The following ZMAT4 variants were observed in gnomAD, a reference collection of about 807,000 sequenced individuals.
ZMAT4 encodes zinc finger matrin-type protein 4.
Under a neutral mutation model 28.7 loss-of-function variants are expected in ZMAT4, and 17 were observed. The ratio of observed to expected loss-of-function variants is 0.59; its 90% confidence interval spans 0.41 to 0.89. The LOEUF (loss-of-function observed/expected upper bound fraction) is 0.89, where lower values mean the gene tolerates loss of function less well. Ranked by LOEUF, ZMAT4 falls within the 40% of genes least tolerant of loss-of-function variation. ZMAT4 has a pLI of 0.00. For missense variants in ZMAT4, 240 were observed against 283.8 expected, an observed-to-expected ratio of 0.85 and a Z score of 1.11; for synonymous variants, 117 against 109.2, an observed-to-expected ratio of 1.07 and a Z score of -0.44.
chr8:40,716,513 G>A (rs763292218), intron 3 of ZMAT4, among the ~76,000 whole-genome samples: 9 of 152,220 alleles, frequency 5.9e-5, no homozygotes, highest in East Asian at 1.9e-4. Context: ...CCAAGATGGC[G>A]AAACCCCATC....
intron 5 of ZMAT4, among the ~76,000 whole-genome samples, chr8:40,613,845 G>A (rs1437485322): frequency 6.6e-6 from 1 of 152,202 alleles, no homozygotes; most frequent in African/African-American, 2.4e-5. Context: ...AAAGGACTTG[G>A]ATGACTCAAG....
intron 5 of ZMAT4, among the ~76,000 whole-genome samples, chr8:40,653,356 A>G (rs2118827889): frequency 6.6e-6 from 1 of 152,204 alleles, no homozygotes; most frequent in Middle Eastern, 3.4e-3. Flanking sequence ...GAAATAGAGC[A>G]AAATACTCAA....
At chr8:40,711,006 G>T (rs75779349) in intron 3 of ZMAT4, among the ~76,000 whole-genome samples, 1 of 151,924 alleles carries the variant, frequency 6.6e-6, no homozygotes, top group South Asian at 2.1e-4. Context: ...GGATGGTCTC[G>T]ATCTCTTGAC....
chr8:40,808,072 A>T (rs1815164440), intron 2 of ZMAT4, among the ~76,000 whole-genome samples: 1 of 152,206 alleles, frequency 6.6e-6, no homozygotes. Context: ...ATGCATTATC[A>T]TATAGCTTAT....
Position 40,626,286 on chromosome 8 carries a change from G to A in ZMAT4, c.578-45025C>T, listed in dbSNP as rs1435988250. On this transcript the variant is annotated intron_variant, in intron 5 of 6. Transcript: ENST00000297737. The stretch of plus-strand genomic sequence containing the variant: ...AAGGTGCCCCGGAAGTGCAGCTAGT[G>A]AGGAGAAAACCAGCTAAGTGTGGCA... Among the ~76,000 whole-genome samples the A allele has an allele frequency of 2.6e-5, 4 of 151,326 alleles. No homozygotes were observed. The Admixed American group carries it at 2.6e-4, about 10-fold the overall frequency.
intron 5 of ZMAT4, among the ~76,000 whole-genome samples, chr8:40,617,212 A>G (rs1806040307): frequency 6.6e-6 from 1 of 152,218 alleles, no homozygotes; most frequent in Admixed American, 6.5e-5. Flanking sequence ...CTTCCCATGT[A>G]GCTTTTTCTT....
At chr8:40,632,242 A>T (rs1029510200) in intron 5 of ZMAT4, among the ~76,000 whole-genome samples, 1 of 152,234 alleles carries the variant, frequency 6.6e-6, no homozygotes, top group Admixed American at 6.5e-5. Flanking sequence ...GGCCAGGCAC[A>T]TAGAACTTTT....
intron 3 of ZMAT4, among the ~76,000 whole-genome samples, chr8:40,754,867 T>C (rs137979109): frequency 6.6e-5 from 10 of 152,214 alleles, no homozygotes; most frequent in African/African-American, 2.4e-4. Context: ...TTTTTAAAAA[T>C]TTAAAAATTA....
Position 40,612,817 on chromosome 8 carries a change from T to G in ZMAT4, c.578-31556A>C, listed in dbSNP as rs1204051747. Among the ~76,000 whole-genome samples, 15 of 93,052 alleles carry G rather than the reference T, an allele frequency of 1.6e-4. 2 individuals are homozygous for G. The highest frequency in any genetic ancestry group is 3.0e-4 in the African/African-American group (10 of 33,396). The allele number at this position is 93,052 out of a possible 152,430, so 61.0% of individuals were successfully genotyped here. A position where few individuals can be genotyped will look rare whatever the true frequency, so the allele number is the denominator to read the frequency against. On this transcript the variant is annotated intron_variant, in intron 5 of 6. Transcript: ENST00000297737. ...TCTCTGTATTTTGGTTTTTGTTTTT[T>G]TTTTTTTTTTTTGAGACGAAGTCTT...
At chr8:40,619,843 G>A (rs1806135458) in intron 5 of ZMAT4, among the ~76,000 whole-genome samples, 1 of 152,176 alleles carries the variant, frequency 6.6e-6, no homozygotes, top group Non-Finnish European at 1.5e-5. Context: ...GACCCGTGCA[G>A]ACCAGGCCCA....
At chr8:40,820,677 ATG>A (rs373565747) in intron 2 of ZMAT4, among the ~76,000 whole-genome samples, 4 of 7,208 alleles carry the variant, frequency 5.5e-4, no homozygotes, top group South Asian at 5.7e-3. Flanking sequence ...ATGTGTGTCT[ATG>A]TGTGTGTGTC....
intron 1 of ZMAT4, among the ~76,000 whole-genome samples, chr8:40,835,629 G>A (rs1816451102): frequency 6.6e-6 from 1 of 152,176 alleles, no homozygotes; most frequent in African/African-American, 2.4e-5. Context: ...CTGCCCCTAT[G>A]AAACCAGACA....
intron 6 of ZMAT4, among the ~76,000 whole-genome samples, chr8:40,580,843 T>G (rs1381134375): frequency 6.6e-6 from 1 of 152,178 alleles, no homozygotes; most frequent in Non-Finnish European, 1.5e-5. Flanking sequence ...ATAGAATTTG[T>G]CATCAAAGTT....
intron 6 of ZMAT4, among the ~76,000 whole-genome samples, chr8:40,569,974 A>G (rs1257542759): frequency 1.3e-5 from 2 of 152,128 alleles, no homozygotes; most frequent in African/African-American, 2.4e-5. Context: ...AACCTTGACT[A>G]CTCTGTATTC....
intron 2 of ZMAT4, among the ~76,000 whole-genome samples, chr8:40,796,322 C>T (rs1563490226): frequency 6.6e-6 from 1 of 152,174 alleles, no homozygotes; most frequent in Non-Finnish European, 1.5e-5. Context: ...GCCACATTTT[C>T]CTTCCCAATA....
chr8:40,854,235 T>G (rs1323561850), intron 1 of ZMAT4, among the ~76,000 whole-genome samples: 2 of 152,160 alleles, frequency 1.3e-5, no homozygotes, highest in African/African-American at 2.4e-5. Context: ...GAAACCTGAG[T>G]GGTCTACGGA....
intron 1 of ZMAT4, among the ~76,000 whole-genome samples, chr8:40,842,690 G>A (rs1444765233): frequency 6.6e-6 from 1 of 152,218 alleles, no homozygotes; most frequent in Non-Finnish European, 1.5e-5. Flanking sequence ...TTGAATTTCT[G>A]CAAGAAGAAG....
intron 3 of ZMAT4, among the ~76,000 whole-genome samples, chr8:40,738,000 G>A (rs1811844156): frequency 6.6e-6 from 1 of 152,112 alleles, no homozygotes; most frequent in African/African-American, 2.4e-5. Flanking sequence ...TGGTCTAAGG[G>A]AGAGCTGCGA....
intron 5 of ZMAT4, among the ~76,000 whole-genome samples, chr8:40,582,776 T>A (rs571187878): frequency 2.0e-5 from 3 of 152,338 alleles, no homozygotes; most frequent in African/African-American, 7.2e-5. Context: ...AGATCTGGCA[T>A]GTATGTGAGA....
Sources: allele counts gnomAD v4.1 joint callset (sites outside exome capture counted in the v4.1 genomes callset), GRCh38; gene constraint gnomAD v4.1.1; transcripts MANE v1.5; gene names NCBI Gene and HGNC (gene_info 2026-07-23, HGNC 2026-07-21).